The following ULK4 variants were observed in gnomAD, a reference collection of about 807,000 sequenced individuals.
ULK4 encodes the protein unc-51 like kinase 4, also known as inactive serine/threonine-protein kinase ULK4.
A neutral mutation model predicts 160.6 loss-of-function variants in ULK4; 133 were observed. The ratio of observed to expected loss-of-function variants is 0.83; its 90% confidence interval spans 0.72 to 0.96. The LOEUF (loss-of-function observed/expected upper bound fraction) is 0.96, where lower values mean the gene tolerates loss of function less well. ULK4 is among the 40% of genes least tolerant of loss of function. The probability of loss-of-function intolerance (pLI) is 0.00; values close to 1 mark genes in which losing one functional copy is unlikely to be tolerated. For missense variants in ULK4, 1,580 were observed against 1,499.5 expected, an observed-to-expected ratio of 1.05 and a Z score of -0.89; for synonymous variants, 534 against 539.8, an observed-to-expected ratio of 0.99 and a Z score of 0.15.
rs1257639309 is a variant in ULK4 at position 41,911,382 on chromosome 3, A to T, written c.1020T>A (p.Asn340Lys). 1 of 1,614,076 alleles carries T rather than the reference A, an allele frequency of 6.2e-7. No homozygotes were observed. The highest frequency in any genetic ancestry group is 8.5e-7 in the Non-Finnish European group (1 of 1,179,968). The part of the protein sequence containing the change: ...QPLGHSFRLE[N>K]PTEFRPKSTL... ...TACTCTTAGGCCGAAACTCAGTTGG[A>T]TTTTCTGTAGCAGGAAAGTAATATG... Residue 340 changes from asparagine to lysine, a missense_variant, in exon 11 of 37, where the codon AAT (asparagine) becomes AAA (lysine). By Grantham distance (94) the Asn-to-Lys change is moderately conservative. Coordinates refer to ENST00000301831, the MANE Select transcript of ULK4 (RefSeq NM_017886.4).
chr3:41,411,284 T>TC (rs1266486216), intron 34 of ULK4, among the ~76,000 whole-genome samples: 8 of 152,210 alleles, frequency 5.3e-5, no homozygotes, highest in African/African-American at 1.9e-4. Context: ...CCTCCAGCAT[T>TC]AACATCAACA....
At chr3:41,941,387 C>T (rs1297702309) in intron 2 of ULK4, among the ~76,000 whole-genome samples, 1 of 142,682 alleles carries the variant, frequency 7.0e-6, no homozygotes, top group African/African-American at 2.6e-5. Context: ...CCAAACTCTA[C>T]TACCACTTAA....
chr3:41,786,619 C>T (rs1349148644), intron 21 of ULK4, among the ~76,000 whole-genome samples: 1 of 141,986 alleles, frequency 7.0e-6, no homozygotes, highest in Non-Finnish European at 1.5e-5. Context: ...AAAAAAAAAG[C>T]AAATGTTCAA....
At chr3:41,874,432 A>G (rs1411958157) in intron 17 of ULK4, among the ~76,000 whole-genome samples, 1 of 152,252 alleles carries the variant, frequency 6.6e-6, no homozygotes, top group Non-Finnish European at 1.5e-5. Flanking sequence ...GTAGAAAGCT[A>G]AAGAACGTAG....
intron 35 of ULK4, among the ~76,000 whole-genome samples, chr3:41,388,485 A>T (rs202156572): frequency 4.0e-3 from 598 of 151,290 alleles, no homozygotes; most frequent in East Asian, 8.4e-3. Context: ...CTAGGTTTTC[A>T]TCTAGGGTTT....
At chr3:41,952,807 A>G (rs1700333671) in intron 2 of ULK4, among the ~76,000 whole-genome samples, 1 of 152,230 alleles carries the variant, frequency 6.6e-6, no homozygotes, top group African/African-American at 2.4e-5. Context: ...ACACGGAAGC[A>G]ACTTGTGTCC....
At chr3:41,325,717 A>C (rs1379518026) in intron 35 of ULK4, among the ~76,000 whole-genome samples, 1 of 152,018 alleles carries the variant, frequency 6.6e-6, no homozygotes, top group African/African-American at 2.4e-5. Flanking sequence ...GGAGTTCGTG[A>C]CCAGTCTGGC....
At chr3:41,566,923 C>T (rs7620951) in intron 31 of ULK4, among the ~76,000 whole-genome samples, 9,333 of 152,146 alleles carry the variant, frequency 0.061, 855 homozygotes, top group African/African-American at 0.2. Context: ...GAGAGACACA[C>T]GAGGTGCAAA....
At chr3:41,677,825 G>C (rs1323086999) in intron 29 of ULK4, among the ~76,000 whole-genome samples, 4 of 152,114 alleles carry the variant, frequency 2.6e-5, no homozygotes, top group Non-Finnish European at 4.4e-5. Context: ...TTCTGGGTAT[G>C]GCTGTGATGG....
At chr3:41,491,439 A>G (rs935971215) in intron 32 of ULK4, among the ~76,000 whole-genome samples, 7 of 152,172 alleles carry the variant, frequency 4.6e-5, no homozygotes, top group Non-Finnish European at 1.5e-5. Flanking sequence ...AGAGTTTGGC[A>G]CTGGAACATA....
intron 35 of ULK4, among the ~76,000 whole-genome samples, chr3:41,256,812 TTACA>T (rs1446171617): frequency 6.6e-6 from 1 of 152,192 alleles, no homozygotes; most frequent in Non-Finnish European, 1.5e-5. Flanking sequence ...TATTTGCAAC[TTACA>T]TATCTGATAA....
At chr3:41,772,167 G>A (rs1382273595) in intron 21 of ULK4, among the ~76,000 whole-genome samples, 1 of 152,090 alleles carries the variant, frequency 6.6e-6, no homozygotes. Context: ...AACTAGAGAA[G>A]CAAGAGCAAA....
At position 41,418,342 on chromosome 3, in the gene ULK4, CGG is replaced by C. The variant is rs56844228; in HGVS notation, c.3493-20080_3493-20079del. ...TGACATACTTTTTTTCTTAATTTGG[CGG>C]GGGGGGGGGCACGTTTCTAAGCTAC... On this transcript the variant is annotated intron_variant, in intron 34 of 36. Coordinates refer to ENST00000301831, the MANE Select transcript of ULK4 (RefSeq NM_017886.4). 2.5e-4 allele frequency among the ~76,000 whole-genome samples: 22 copies of C among 87,940 alleles called. 1 individual carries two copies. The highest frequency in any genetic ancestry group is 8.5e-4 in the African/African-American group (19 of 22,428). The allele number at this position is 87,940 out of a possible 152,430, so 57.7% of individuals were successfully genotyped here. A position where few individuals can be genotyped will look rare whatever the true frequency, so the allele number is the denominator to read the frequency against.
intron 31 of ULK4, among the ~76,000 whole-genome samples, chr3:41,615,456 G>T (rs1485047778): frequency 6.6e-6 from 1 of 152,182 alleles, no homozygotes; most frequent in African/African-American, 2.4e-5. Flanking sequence ...TGGAAAGAAG[G>T]CAGTCATTAG....
chr3:41,641,949 C>A (rs954772188), intron 30 of ULK4, among the ~76,000 whole-genome samples: 1 of 150,100 alleles, frequency 6.7e-6, no homozygotes, highest in Admixed American at 6.6e-5. Flanking sequence ...GATCTCGGCT[C>A]ACTGCAACCT....
rs376208177 is a variant in ULK4 at position 41,705,066 on chromosome 3, A to G, written c.2772T>C (p.Tyr924=). 1.2e-6 allele frequency: 2 copies of G among 1,610,754 alleles called. No individual in the cohort carries two copies. The highest frequency in any genetic ancestry group is 1.7e-6 in the Non-Finnish European group (2 of 1,179,072). Residue 924 remains tyrosine, a synonymous_variant, in exon 27 of 37, where the codon TAT becomes TAC. Transcript: ENST00000301831. Reference sequence around the variant, plus strand: ...AGCTGCCAGAACTGACCGTGGAGCGATAGTCTTTCAATAAAATAGGATACT... The same window carrying G: ...AGCTGCCAGAACTGACCGTGGAGCGGTAGTCTTTCAATAAAATAGGATACT... ...IIQYPILLKD[Y]RSTVVDYILP... is the part of the protein sequence containing the mutation.
chr3:41,530,567 A>T (rs986939486), intron 32 of ULK4, among the ~76,000 whole-genome samples: 8 of 152,176 alleles, frequency 5.3e-5, no homozygotes, highest in Non-Finnish European at 1.2e-4. Flanking sequence ...CAACGCTGGC[A>T]ATTTGTTAAT....
chr3:41,654,480 A>G (rs903822516), intron 30 of ULK4, among the ~76,000 whole-genome samples: 2 of 152,240 alleles, frequency 1.3e-5, no homozygotes, highest in Non-Finnish European at 2.9e-5. Flanking sequence ...TAGCAAAGCC[A>G]ACAATTAGGA....
At chr3:41,340,696 T>C (rs1380555325) in intron 35 of ULK4, among the ~76,000 whole-genome samples, 2 of 152,212 alleles carry the variant, frequency 1.3e-5, no homozygotes, top group Non-Finnish European at 2.9e-5. Context: ...GATATGAACA[T>C]TTTCATCATT....
Sources: allele counts gnomAD v4.1 joint callset (sites outside exome capture counted in the v4.1 genomes callset), GRCh38; gene constraint gnomAD v4.1.1; transcripts MANE v1.5; gene names NCBI Gene and HGNC (gene_info 2026-07-23, HGNC 2026-07-21).